Variants in ACTMAP observed in about 807,000 individuals in gnomAD.
ACTMAP encodes UPF0692 protein C19orf54.
the ACTMAP span, chr19:40,742,853 G>T: frequency 7.4e-7 from 1 of 1,348,328 alleles, no homozygotes; most frequent in Non-Finnish European, 1.0e-6. Context: ...CCCTCTCCCG[G>T]CCCTCCAGGG....
the ACTMAP span, chr19:40,749,489 G>C: frequency 3.2e-6 from 5 of 1,543,454 alleles, no homozygotes; most frequent in South Asian, 1.2e-5. Context: ...ACCGGTCCTT[G>C]TGTAGTTTCA....
chr19:40,743,815 C>T, the ACTMAP span: 11 of 1,516,568 alleles, frequency 7.3e-6, no homozygotes, highest in East Asian at 2.3e-5. Context: ...GCTGGGGAGG[C>T]ACCAGCACAA....
chr19:40,741,258 A>G, the ACTMAP span: 1 of 340,608 alleles, frequency 2.9e-6, no homozygotes, highest in Non-Finnish European at 5.3e-6. Flanking sequence ...CCTGGCCAAC[A>G]TGGCAAAGCC....
chr19:40,745,556 T>TGA, the ACTMAP span, among the ~76,000 whole-genome samples: 1 of 152,226 alleles, frequency 6.6e-6, no homozygotes, highest in Admixed American at 6.5e-5. Flanking sequence ...TGGAATGCAA[T>TGA]GATGCAATCA....
the ACTMAP span, chr19:40,749,414 C>G: frequency 4.3e-5 from 61 of 1,424,906 alleles, no homozygotes; most frequent in Admixed American, 6.0e-4. Flanking sequence ...ACCCCCCCCC[C>G]ACCCCAAGAG....
chr19:40,749,643 G>T, the ACTMAP span: 16 of 1,549,070 alleles, frequency 1.0e-5, no homozygotes, highest in Non-Finnish European at 1.3e-5. Flanking sequence ...TGGGAGCGGT[G>T]GGGGAACAGG....
At chr19:40,745,024 C>T in the ACTMAP span, 2 of 1,352,950 alleles carry the variant, frequency 1.5e-6, no homozygotes, top group Admixed American at 2.0e-5. Flanking sequence ...CTCCTCCTCC[C>T]AGCAGGGACA....
At chr19:40,749,360 G>T in the ACTMAP span, 1 of 1,003,292 alleles carries the variant, frequency 1.0e-6, no homozygotes, top group Non-Finnish European at 1.5e-6. Flanking sequence ...AGATCTAGGT[G>T]GGGGACCTAA....
chr19:40,741,370 G>A, the ACTMAP span: 3 of 193,386 alleles, frequency 1.6e-5, no homozygotes, highest in East Asian at 3.7e-4. Context: ...TTGAACCTGG[G>A]AAGTGGAGGC....
the ACTMAP span, among the ~76,000 whole-genome samples, chr19:40,746,726 T>A: frequency 6.6e-6 from 1 of 152,024 alleles, no homozygotes. Context: ...GTCAGGCTGG[T>A]CTCGAACTGC....
the ACTMAP span, among the ~76,000 whole-genome samples, chr19:40,748,451 GC>G: frequency 6.6e-6 from 1 of 151,830 alleles, no homozygotes; most frequent in Non-Finnish European, 1.5e-5. Context: ...CTTTTCTTCA[GC>G]CAGGCAATCA....
At chr19:40,749,267 A>G in the ACTMAP span, among the ~76,000 whole-genome samples, 1 of 152,162 alleles carries the variant, frequency 6.6e-6, no homozygotes, top group African/African-American at 2.4e-5. Flanking sequence ...CTGGGATTAC[A>G]TGCATGAGCC....
At chr19:40,742,366 T>A in the ACTMAP span, 1 of 1,384,990 alleles carries the variant, frequency 7.2e-7, no homozygotes, top group Non-Finnish European at 9.5e-7. Context: ...CATCACACAG[T>A]GGGAGAAGTG....
At chr19:40,741,279 T>TAAAAATACA in the ACTMAP span, 1 of 301,824 alleles carries the variant, frequency 3.3e-6, no homozygotes, top group Non-Finnish European at 6.1e-6. Context: ...CCGTCTCTAC[T>TAAAAATACA]AAAAATACAA....
chr19:40,749,136 G>A, the ACTMAP span, among the ~76,000 whole-genome samples: 1 of 151,856 alleles, frequency 6.6e-6, no homozygotes, highest in Admixed American at 6.6e-5. Flanking sequence ...GACTACAGTT[G>A]CATGCCACCA....
the ACTMAP span, chr19:40,749,421 A>G: frequency 6.0e-6 from 8 of 1,333,756 alleles, no homozygotes; most frequent in Non-Finnish European, 4.1e-6. Flanking sequence ...CCCCACCCCA[A>G]GAGATCTGTG....
the ACTMAP span, chr19:40,749,863 C>G: frequency 1.6e-6 from 2 of 1,212,152 alleles, no homozygotes; most frequent in Non-Finnish European, 2.2e-6. Flanking sequence ...GATCCTCCAA[C>G]GGAGAACGGT....
the ACTMAP span, chr19:40,744,133 C>CTTGG: frequency 1.4e-5 from 23 of 1,612,408 alleles, no homozygotes; most frequent in Admixed American, 3.8e-4. Flanking sequence ...ACCGCCCAGG[C>CTTGG]CACCAGAGAG....
chr19:40,748,243 C>T, the ACTMAP span, among the ~76,000 whole-genome samples: 1 of 152,010 alleles, frequency 6.6e-6, no homozygotes, highest in Non-Finnish European at 1.5e-5. Flanking sequence ...GCAGGTGGAT[C>T]ACCTGAGGTT....
Sources: allele counts gnomAD v4.1 joint callset (sites outside exome capture counted in the v4.1 genomes callset), GRCh38; gene constraint gnomAD v4.1.1; transcripts MANE v1.5; gene names NCBI Gene and HGNC (gene_info 2026-07-23, HGNC 2026-07-21).